NAA35: variants seen among roughly 807,000 people sequenced by gnomAD.
The protein encoded by NAA35 is MAK10 homolog, amino-acid N-acetyltransferase subunit.
Under a neutral mutation model 101.7 loss-of-function variants are expected in NAA35, and 18 were observed. The observed-to-expected ratio is 0.18, with a 90% confidence interval of 0.12 to 0.26. NAA35 has a LOEUF of 0.26. Among genes scored for constraint, NAA35 ranks in the 10% least tolerant of loss-of-function variants. NAA35 has a pLI of 1.00. For synonymous variants in NAA35, 267 were observed against 273.1 expected (o/e 0.98, Z 0.22); for missense variants, 601 against 886.8 (o/e 0.68, Z 4.09).
At chr9:86,018,911 C>T (rs1832377440) in intron 21 of NAA35, 90 bp downstream of exon 21, 7 of 1,496,502 alleles carry the variant, frequency 4.7e-6, no homozygotes, top group Non-Finnish European at 6.3e-6. Context: ...TGAAAGTGAA[C>T]TTTAATAGTG....
intron 13 of NAA35, 118 bp downstream of exon 13, chr9:86,003,762 G>GT: frequency 2.0e-5 from 11 of 540,578 alleles, no homozygotes; most frequent in African/African-American, 1.8e-4. Context: ...TTAGTGTTGT[G>GT]TATTTTTTTT....
intron 12 of NAA35, among the ~76,000 whole-genome samples, chr9:85,999,721 C>T (rs190658840): frequency 3.9e-5 from 6 of 152,260 alleles, no homozygotes; most frequent in South Asian, 2.1e-4. Flanking sequence ...GATAGATGCC[C>T]GAATAGGCAT....
At chr9:85,947,233 G>A (rs530660498) in intron 2 of NAA35, among the ~76,000 whole-genome samples, 20 of 152,044 alleles carry the variant, frequency 1.3e-4, no homozygotes, top group Middle Eastern at 3.4e-3. Context: ...GGAATATTCT[G>A]TGATTTTTTT....
At chr9:85,992,475 A>T (rs2118220469) in intron 11 of NAA35, among the ~76,000 whole-genome samples, 1 of 152,338 alleles carries the variant, frequency 6.6e-6, no homozygotes. Flanking sequence ...CCTGTTGGAT[A>T]CACCTTAATC....
chr9:85,961,913 A>C (rs554307641), intron 5 of NAA35, 100 bp from the exon 6 acceptor site: 30 of 775,912 alleles, frequency 3.9e-5, no homozygotes, highest in Admixed American at 3.5e-4. Flanking sequence ...GATTAATCTT[A>C]TTTGGGTCTA....
chr9:85,958,616 A>G (rs770531829), intron 4 of NAA35, 30 bp downstream of exon 4: 8 of 1,452,504 alleles, frequency 5.5e-6, no homozygotes, highest in Middle Eastern at 1.8e-4. Flanking sequence ...TTGTGTTTCC[A>G]TTTATCTTTT....
Position 86,007,350 on chromosome 9 carries a change from G to GT in NAA35, c.1117-4dup. 1 of 1,603,002 alleles carries GT rather than the reference G, an allele frequency of 6.2e-7. No homozygotes were observed. The highest frequency in any genetic ancestry group is 8.5e-7 in the Non-Finnish European group (1 of 1,170,500). On this transcript the variant is annotated splice_polypyrimidine_tract_variant and splice_region_variant and intron_variant, in intron 13 of 22. Transcript: ENST00000361671. The stretch of plus-strand genomic sequence containing the variant: ...ACACCGTAACTAATATATAACATTT[G>GT]TTTTAAGACCACTTTCCTGGTGGAT...
rs72746678 is a variant in NAA35, at chr9:86,022,511, A to G, written c.*551A>G. ...AAATTACATGAAAATTGTGATTTTTATGTGTCATGACATCACAAATTATAT... is the reference window on the plus strand; with the variant it reads ...AAATTACATGAAAATTGTGATTTTTGTGTGTCATGACATCACAAATTATAT... On this transcript the variant is annotated 3_prime_UTR_variant, in exon 23 of 23. Coordinates refer to ENST00000361671, the MANE Select transcript of NAA35 (RefSeq NM_024635.4). Among the ~76,000 whole-genome samples, 3,122 of 152,304 alleles carry G rather than the reference A, an allele frequency of 0.02. 51 individuals are homozygous for G. Among genetic ancestry groups the G allele is most frequent in the Non-Finnish European group, 0.028 (1,893 of 68,016 alleles).
rs566291493 is a variant in NAA35 at position 85,977,301 on chromosome 9, A to G, written c.679-62A>G. On this transcript the variant is annotated intron_variant, in intron 9 of 22. Transcript: ENST00000361671. Reference sequence around the variant, plus strand: ...TGAGATTTAGGAGTTAATATATTTTAAATGAAATTCCTTTCACGGGCTTTG... The same window carrying G: ...TGAGATTTAGGAGTTAATATATTTTGAATGAAATTCCTTTCACGGGCTTTG... 1.6e-4 allele frequency: 180 copies of G among 1,126,110 alleles called. No homozygotes were observed. The African/African-American group carries it at 2.6e-3, about 16-fold the overall frequency. The allele number at this position is 1,126,110 out of a possible 1,614,324, so 69.8% of individuals were successfully genotyped here. A position where few individuals can be genotyped will look rare whatever the true frequency, so the allele number is the denominator to read the frequency against.
At chr9:85,980,050 G>C (rs1045378958) in intron 11 of NAA35, among the ~76,000 whole-genome samples, 2 of 152,198 alleles carry the variant, frequency 1.3e-5, no homozygotes, top group African/African-American at 4.8e-5. Context: ...ATTGGCTGGA[G>C]CGAGTCACAG....
Position 86,017,405 on chromosome 9 carries a change from G to A in NAA35, c.1706-93G>A, listed in dbSNP as rs1384684440. On this transcript the variant is annotated intron_variant, in intron 18 of 22. Coordinates refer to ENST00000361671, the MANE Select transcript of NAA35 (RefSeq NM_024635.4). ...GAAGTTTTAATTTAGTATACAAGCTGAAAGATTTTTTAAAATTAGATTTTC... is the reference window on the plus strand; with the variant it reads ...GAAGTTTTAATTTAGTATACAAGCTAAAAGATTTTTTAAAATTAGATTTTC... The A allele has an allele frequency of 2.6e-6, 3 of 1,161,556 alleles. No individual in the cohort carries two copies. The East Asian group carries it at 7.7e-5, about 30-fold the overall frequency. 72.0% of individuals were successfully genotyped at this position (1,161,556 alleles called of 1,614,324 possible).
At chr9:85,944,277 A>G (rs1305649415) in intron 2 of NAA35, among the ~76,000 whole-genome samples, 1 of 152,240 alleles carries the variant, frequency 6.6e-6, no homozygotes, top group Non-Finnish European at 1.5e-5. Context: ...TAAATGAGAT[A>G]GTGGATGTAA....
At position 85,941,186 on chromosome 9, in the gene NAA35, G is replaced by A. The variant is rs951872065; in HGVS notation, c.-93G>A. ...CGCTGCCGGTCGGGCTGGGCTGAGA[G>A]GGGAGGGGGCGGCGGCGGCCGAGGC... On this transcript the variant is annotated 5_prime_UTR_variant, in exon 1 of 23. Coordinates refer to ENST00000361671, the MANE Select transcript of NAA35 (RefSeq NM_024635.4). The A allele has an allele frequency of 1.0e-6, 1 of 986,930 alleles. No individual in the cohort carries two copies. Among genetic ancestry groups the A allele is most frequent in the Non-Finnish European group, 1.2e-6 (1 of 830,976 alleles). 61.1% of individuals were successfully genotyped at this position (986,930 alleles called of 1,614,324 possible).
intron 6 of NAA35, among the ~76,000 whole-genome samples, chr9:85,963,291 AG>A (rs989471639): frequency 1.3e-5 from 1 of 75,392 alleles, no homozygotes; most frequent in Non-Finnish European, 2.6e-5. Flanking sequence ...TTTTTTTGAG[AG>A]GGGGTTTTAG....
At position 86,009,920 on chromosome 9, in the gene NAA35, C is replaced by T; in HGVS notation, c.1279C>T (p.His427Tyr). The T allele has an allele frequency of 6.2e-7, 1 of 1,612,760 alleles. No individual in the cohort carries two copies. The highest frequency in any genetic ancestry group is 8.5e-7 in the Non-Finnish European group (1 of 1,178,874). Residue 427 changes from histidine (H) to tyrosine (Y), a missense_variant, in exon 15 of 23, where the codon CAC (histidine) becomes TAC (tyrosine). Around this residue, in one of 8 missense-constraint regions of NAA35, gnomAD observed 190 missense variants for 223.1 expected, o/e 0.85. Coordinates refer to ENST00000361671, the MANE Select transcript of NAA35 (RefSeq NM_024635.4). ...GGACTGTATCGACTCCTTTGTTACT[C>T]ACTGTGTTCGGGTAAGAGCTACAAT... ...AKDCIDSFVTHCVRPFCSLIQ... is the reference protein window; with the variant it reads ...AKDCIDSFVTYCVRPFCSLIQ...
chr9:86,009,748 T>C, intron 14 of NAA35, 117 bp from the exon 15 acceptor site: 1 of 682,008 alleles, frequency 1.5e-6, no homozygotes, highest in East Asian at 2.6e-5. Flanking sequence ...TTAACTTAGG[T>C]ATCGGTTCCA....
chr9:85,988,246 CA>C (rs1173201829), intron 11 of NAA35, among the ~76,000 whole-genome samples: 4 of 152,080 alleles, frequency 2.6e-5, no homozygotes, highest in African/African-American at 9.7e-5. Flanking sequence ...TATTTATACA[CA>C]AATATTCCAA....
rs150870092 is a variant in NAA35, at chr9:86,018,741, C to T, written c.1957C>T (p.Pro653Ser). 1.0e-3 allele frequency: 1,649 copies of T among 1,614,100 alleles called. 15 individuals are homozygous for T. In the African/African-American group the frequency reaches 0.017, roughly 17 times the overall value. The change falls in exon 21 of 23, where the codon CCT becomes TCT. Residue 653 changes from proline (P) to serine (S), a missense_variant. By Grantham distance (74) the Pro-to-Ser change is moderately conservative. Transcript: ENST00000361671. The stretch of plus-strand genomic sequence containing the variant: ...TAAATATAGCCCTCCTCCTCAGTCT[C>T]CTGAACTGTATGTGGCAGCTAGTAA... ...LNKYSPPPQS[P>S]ELYVAASKHF...
chr9:85,979,397 T>TC (rs2118077308), intron 11 of NAA35, among the ~76,000 whole-genome samples: 1 of 152,218 alleles, frequency 6.6e-6, no homozygotes, highest in South Asian at 2.1e-4. Flanking sequence ...AAGTAAAAAC[T>TC]CCTTCAAATA....
Sources: allele counts gnomAD v4.1 joint callset (sites outside exome capture counted in the v4.1 genomes callset), GRCh38; gene constraint gnomAD v4.1.1; regional missense constraint gnomAD v4.1.1; transcripts MANE v1.5; gene names NCBI Gene and HGNC (gene_info 2026-07-23, HGNC 2026-07-21).